Variants in GPHN observed in about 807,000 individuals in gnomAD.
The protein encoded by GPHN is gephyrin.
A neutral mutation model predicts 95.5 loss-of-function variants in GPHN; 17 were observed. That is an observed-to-expected ratio of 0.18 (90% CI 0.12 to 0.27). The LOEUF is 0.27. GPHN is among the 10% of genes least tolerant of loss of function. The pLI, the probability that GPHN is intolerant of heterozygous loss-of-function variation, is 1.00. For missense variants in GPHN, 660 were observed against 978.1 expected (o/e 0.67, Z 4.34); for synonymous variants, 320 against 322.5 (o/e 0.99, Z 0.08).
intron 2 of GPHN, among the ~76,000 whole-genome samples, chr14:66,694,243 C>T (rs574920146): frequency 5.3e-5 from 8 of 152,156 alleles, no homozygotes; most frequent in East Asian, 3.9e-4. Context: ...CCACCATATG[C>T]GATTATAGCC....
At chr14:66,526,192 G>A (rs1043360636) in intron 1 of GPHN, among the ~76,000 whole-genome samples, 2 of 151,988 alleles carry the variant, frequency 1.3e-5, no homozygotes, top group Non-Finnish European at 2.9e-5. Flanking sequence ...CCTTAAAGAG[G>A]TCCTTCACAT....
intron 6 of GPHN, among the ~76,000 whole-genome samples, chr14:66,920,377 T>G (rs2066153532): frequency 6.6e-6 from 1 of 152,160 alleles, no homozygotes; most frequent in Admixed American, 6.5e-5. Context: ...AGAGTCTCAC[T>G]GTGTCACCCT....
the GPHN span, chr14:67,447,480 G>A: frequency 6.6e-6 from 1 of 152,186 alleles, no homozygotes; most frequent in Admixed American, 6.5e-5. Flanking sequence ...TGCATTAATA[G>A]CATTATGATA....
rs2059942560 is a variant in GPHN, at chr14:66,790,748, A to T, written c.201+14227A>T. On this transcript the variant is annotated intron_variant, in intron 3 of 22. Coordinates refer to ENST00000478722, the MANE Select transcript of GPHN (RefSeq NM_020806.5). ...TCAGGAGCTCAGGGAAGCCAGAGAA[A>T]GTCCCACCCATTGCAGTGACACTGA... Among the ~76,000 whole-genome samples, 3 of 152,232 alleles carry T rather than the reference A, an allele frequency of 2.0e-5. No individual in the cohort carries two copies. The South Asian group carries it at 6.2e-4, about 32-fold the overall frequency.
chr14:67,038,076 G>T (rs1002363843), intron 10 of GPHN, among the ~76,000 whole-genome samples: 1 of 151,972 alleles, frequency 6.6e-6, no homozygotes, highest in Non-Finnish European at 1.5e-5. Flanking sequence ...CAGATGAGGG[G>T]ATAGGCAAAA....
chr14:67,306,303 A>G, the GPHN span, among the ~76,000 whole-genome samples: 4 of 151,724 alleles, frequency 2.6e-5, no homozygotes, highest in Admixed American at 1.3e-4. Context: ...TCTTTTCAGA[A>G]TAGAGTGATG....
chr14:67,343,580 C>T, the GPHN span: 4 of 629,210 alleles, frequency 6.4e-6, no homozygotes, highest in Non-Finnish European at 1.1e-5. Context: ...AAACAAAATT[C>T]TTAGGCTGGG....
At chr14:67,497,335 C>T in the GPHN span, among the ~76,000 whole-genome samples, 2 of 152,080 alleles carry the variant, frequency 1.3e-5, no homozygotes, top group Admixed American at 1.3e-4. Context: ...GTGTAACCTG[C>T]CTAAGGTCAT....
the GPHN span, among the ~76,000 whole-genome samples, chr14:67,232,487 C>T: frequency 2.0e-5 from 3 of 152,162 alleles, no homozygotes; most frequent in African/African-American, 7.2e-5. Context: ...CCCAGTTAAG[C>T]TGCTTCTGGC....
chr14:67,537,348 A>ATAATAATAG, the GPHN span, among the ~76,000 whole-genome samples: 1 of 123,558 alleles, frequency 8.1e-6, no homozygotes, highest in Non-Finnish European at 1.6e-5. Flanking sequence ...CATCTCAAAA[A>ATAATAATAG]TAATAATAAT....
chr14:67,192,903 GAT>G, the GPHN span, among the ~76,000 whole-genome samples: 9 of 138,364 alleles, frequency 6.5e-5, no homozygotes, highest in East Asian at 2.1e-4. Flanking sequence ...TCGATATCTA[GAT>G]ATATATAGAT....
the GPHN span, among the ~76,000 whole-genome samples, chr14:67,460,970 A>T: frequency 1.1e-3 from 163 of 152,284 alleles, no homozygotes; most frequent in African/African-American, 3.9e-3. Flanking sequence ...AGGTTTTACC[A>T]TCTCCATTTT....
At chr14:67,734,163 C>A in the GPHN span, 2 of 326,928 alleles carry the variant, frequency 6.1e-6, no homozygotes, top group African/African-American at 4.3e-5. Context: ...GAAATTGGGT[C>A]AGTTCCCTCA....
At chr14:66,545,372 C>T (rs2059523607) in intron 1 of GPHN, among the ~76,000 whole-genome samples, 1 of 137,924 alleles carries the variant, frequency 7.3e-6, no homozygotes, top group Non-Finnish European at 1.6e-5. Flanking sequence ...GGGCGACTGG[C>T]CAGGCGGGGG....
chr14:67,026,778 G>T (rs2073947138), intron 10 of GPHN, among the ~76,000 whole-genome samples: 1 of 152,162 alleles, frequency 6.6e-6, no homozygotes, highest in Non-Finnish European at 1.5e-5. Context: ...GAGTAGCTGG[G>T]ACTACAGGTG....
intron 4 of GPHN, among the ~76,000 whole-genome samples, chr14:66,869,334 C>G (rs1007779619): frequency 2.6e-5 from 4 of 152,188 alleles, no homozygotes; most frequent in African/African-American, 9.6e-5. Flanking sequence ...TCAAACCATT[C>G]TTCTGTTCAG....
intron 10 of GPHN, among the ~76,000 whole-genome samples, chr14:67,047,142 A>G (rs1207029155): frequency 6.6e-6 from 1 of 152,130 alleles, no homozygotes; most frequent in African/African-American, 2.4e-5. Flanking sequence ...GTATATCCAA[A>G]AAATGAATAA....
intron 4 of GPHN, among the ~76,000 whole-genome samples, chr14:66,839,616 G>C (rs1439676943): frequency 6.6e-6 from 1 of 152,124 alleles, no homozygotes; most frequent in Non-Finnish European, 1.5e-5. Flanking sequence ...CTATAATGGA[G>C]TCTTATTATA....
the GPHN span, among the ~76,000 whole-genome samples, chr14:67,498,027 T>C: frequency 6.6e-6 from 1 of 152,092 alleles, no homozygotes; most frequent in Non-Finnish European, 1.5e-5. Context: ...CCAAAGGAGG[T>C]TGAAGTTCTC....
Sources: allele counts gnomAD v4.1 joint callset (sites outside exome capture counted in the v4.1 genomes callset), GRCh38; gene constraint gnomAD v4.1.1; transcripts MANE v1.5; gene names NCBI Gene and HGNC (gene_info 2026-07-23, HGNC 2026-07-21).